TNIK: variants seen among roughly 807,000 people sequenced by gnomAD.
TNIK encodes the protein TRAF2 and NCK-interacting protein kinase.
A neutral mutation model predicts 191.3 loss-of-function variants in TNIK; 49 were observed. The observed-to-expected ratio is 0.26, with a 90% CI of 0.20 to 0.32. The LOEUF is 0.32. TNIK is among the 10% of genes least tolerant of loss of function. TNIK has a pLI of 1.00. For synonymous variants in TNIK, 594 were observed against 600.9 expected, an observed-to-expected ratio of 0.99 and a Z score of 0.17; for missense variants, 1,155 against 1,702.3, an observed-to-expected ratio of 0.68 and a Z score of 5.66.
At chr3:171,152,576 AG>A (rs1287161721) in intron 12 of TNIK, among the ~76,000 whole-genome samples, 2 of 152,028 alleles carry the variant, frequency 1.3e-5, no homozygotes, top group African/African-American at 4.8e-5. Context: ...CAGGAAGTGG[AG>A]GTGTGGAGAG....
At position 171,105,422 on chromosome 3, in the gene TNIK, A is replaced by G. The variant is rs369144436; in HGVS notation, c.2406+1761T>C. 7.7e-4 allele frequency among the ~76,000 whole-genome samples: 118 copies of G among 152,288 alleles called. 6 individuals are homozygous for G. In the South Asian group the frequency reaches 0.024, roughly 31 times the overall value. On this transcript the variant is annotated intron_variant, in intron 21 of 32. Coordinates refer to ENST00000436636, the MANE Select transcript of TNIK (RefSeq NM_015028.4). Reference sequence around the variant, plus strand: ...ACCAAAACTGTCTCCAGATTTTGCCAAATGTCTCCTAAGGGAAGAGGAGTG... The same window carrying G: ...ACCAAAACTGTCTCCAGATTTTGCCGAATGTCTCCTAAGGGAAGAGGAGTG...
chr3:171,283,589 C>G (rs191188153), intron 2 of TNIK, among the ~76,000 whole-genome samples: 16 of 152,302 alleles, frequency 1.1e-4, no homozygotes, highest in East Asian at 3.9e-4. Context: ...GCTCCTGCCC[C>G]CTGTGAACCA....
intron 4 of TNIK, among the ~76,000 whole-genome samples, chr3:171,202,685 C>G (rs1189531688): frequency 6.6e-6 from 1 of 152,180 alleles, no homozygotes; most frequent in African/African-American, 2.4e-5. Context: ...TAAAATAGCT[C>G]TATTAAAGCT....
At chr3:171,349,783 G>A (rs143638019) in intron 2 of TNIK, among the ~76,000 whole-genome samples, 6 of 152,122 alleles carry the variant, frequency 3.9e-5, no homozygotes, top group Non-Finnish European at 8.8e-5. Context: ...CCATTCTTGC[G>A]TATTCTAGTT....
chr3:171,253,502 C>A (rs2088885), intron 2 of TNIK, among the ~76,000 whole-genome samples: 83,259 of 150,380 alleles, frequency 0.55, 23,716 homozygotes, highest in African/African-American at 0.67. Flanking sequence ...CCCAACCCTC[C>A]CTTTAAGCTT....
intron 2 of TNIK, among the ~76,000 whole-genome samples, chr3:171,260,084 C>G (rs1386835116): frequency 6.6e-6 from 1 of 152,126 alleles, no homozygotes; most frequent in Non-Finnish European, 1.5e-5. Context: ...TCCCTGTTAT[C>G]TGATTATGTT....
chr3:171,443,994 T>C (rs1190167557), intron 1 of TNIK, among the ~76,000 whole-genome samples: 1 of 152,184 alleles, frequency 6.6e-6, no homozygotes, highest in Non-Finnish European at 1.5e-5. Flanking sequence ...TGTCTAACCA[T>C]CGGTTTTTCC....
At chr3:171,429,963 C>A (rs1449326404) in intron 1 of TNIK, among the ~76,000 whole-genome samples, 1 of 152,140 alleles carries the variant, frequency 6.6e-6, no homozygotes, top group Non-Finnish European at 1.5e-5. Flanking sequence ...GCAGCAGCAG[C>A]ATCATTTTGT....
chr3:171,350,315 A>G (rs1442720796), intron 2 of TNIK, among the ~76,000 whole-genome samples: 2 of 152,154 alleles, frequency 1.3e-5, no homozygotes, highest in Non-Finnish European at 2.9e-5. Context: ...GCCAATCCGT[A>G]TTTGTTGAAT....
chr3:171,420,807 C>A (rs6793807), intron 1 of TNIK, among the ~76,000 whole-genome samples: 1 of 152,066 alleles, frequency 6.6e-6, no homozygotes, highest in Non-Finnish European at 1.5e-5. Flanking sequence ...GTCTGACAAC[C>A]AAGAGAGCTA....
chr3:171,357,253 T>TA (rs1714224127), intron 2 of TNIK, among the ~76,000 whole-genome samples: 1 of 152,102 alleles, frequency 6.6e-6, no homozygotes, highest in Non-Finnish European at 1.5e-5. Context: ...AACCTAAACA[T>TA]ATCTCACTGA....
intron 2 of TNIK, among the ~76,000 whole-genome samples, chr3:171,311,513 C>T (rs1754013898): frequency 6.6e-6 from 1 of 152,118 alleles, no homozygotes; most frequent in Non-Finnish European, 1.5e-5. Context: ...AAGTAACTTG[C>T]TTAAGATGAC....
chr3:171,126,089 G>T lies in TNIK; in HGVS notation c.1836C>A (p.His612Gln). The T allele has an allele frequency of 1.2e-6, 2 of 1,605,164 alleles. No individual in the cohort carries two copies. The highest frequency in any genetic ancestry group is 1.7e-6 in the Non-Finnish European group (2 of 1,175,134). ...CAGAGAGGCCCTTTGTGGGCTGCTC[G>T]TGCACTGACTGGGAGGCGGTCAAGG... ...GPALTASQSVHEQPTKGLSGF... is the reference protein window; with the variant it reads ...GPALTASQSVQEQPTKGLSGF... The change falls in exon 17 of 33, where the codon CAC (histidine) becomes CAA (glutamine). Residue 612 changes from histidine (H) to glutamine (Q), a missense_variant. By Grantham distance (24) the His-to-Gln change is conservative (BLOSUM62 0). This residue lies in a region of TNIK where 735 missense variants were observed against 848.0 expected (regional missense o/e 0.87). Coordinates refer to ENST00000436636, the MANE Select transcript of TNIK (RefSeq NM_015028.4).
At position 171,157,483 on chromosome 3, in the gene TNIK, C is replaced by G. The variant is rs1418583788; in HGVS notation, c.1198G>C (p.Glu400Gln). 1 of 1,571,630 alleles carries G rather than the reference C, an allele frequency of 6.4e-7. No individual in the cohort carries two copies. Among genetic ancestry groups the G allele is most frequent in the Non-Finnish European group, 8.6e-7 (1 of 1,158,958 alleles). ...ERQKRIEEQK[E>Q]QRRRLEEQQR... ...ACCTCCTCCAGCCGCCGCCTCTGCT[C>G]TTTCTGCTCCTCGATGCGCTTCTGA... is the stretch of plus-strand genomic sequence containing the variant. The change falls in exon 12 of 33, where the codon GAG becomes CAG. Residue 400 changes from glutamate to glutamine, a missense_variant. This residue lies in a region of TNIK where 735 missense variants were observed against 848.0 expected (regional missense o/e 0.87). Coordinates refer to ENST00000436636, the MANE Select transcript of TNIK (RefSeq NM_015028.4).
At chr3:171,107,910 T>C (rs1725183124) in intron 20 of TNIK, 155 bp downstream of exon 20, 2 of 660,414 alleles carry the variant, frequency 3.0e-6, no homozygotes, top group Non-Finnish European at 4.8e-6. Context: ...GGTTCTTTCC[T>C]AATCAGGTAT....
intron 1 of TNIK, among the ~76,000 whole-genome samples, chr3:171,397,255 A>T (rs1232451240): frequency 2.6e-5 from 4 of 152,218 alleles, no homozygotes; most frequent in Non-Finnish European, 4.4e-5. Flanking sequence ...TGTTTTCTAC[A>T]GTCTGCTACA....
intron 17 of TNIK, among the ~76,000 whole-genome samples, chr3:171,125,133 C>T (rs1728298563): frequency 6.6e-6 from 1 of 152,136 alleles, no homozygotes; most frequent in South Asian, 2.1e-4. Flanking sequence ...TGGAACATTC[C>T]ATTTGTCACA....
At chr3:171,143,054 C>A (rs889544785) in intron 12 of TNIK, among the ~76,000 whole-genome samples, 3 of 152,184 alleles carry the variant, frequency 2.0e-5, no homozygotes, top group Admixed American at 6.5e-5. Flanking sequence ...AGCGTCTGGG[C>A]TTCCCAAGTA....
At position 171,410,501 on chromosome 3, in the gene TNIK, T is replaced by TG. The variant is rs538982523; in HGVS notation, c.58-40817dup. Among the ~76,000 whole-genome samples the TG allele has an allele frequency of 4.4e-3, 670 of 152,170 alleles. 3 individuals carry two copies. The highest frequency in any genetic ancestry group is 0.015 in the African/African-American group (637 of 41,514). On this transcript the variant is annotated intron_variant, in intron 1 of 32. Coordinates refer to ENST00000436636, the MANE Select transcript of TNIK (RefSeq NM_015028.4). ...AGTCTCTTTAAGACTTTGCCTGGGC[T>TG]GGGCGCATTGGCTCACGCCTGTAAT...
Sources: gnomAD v4.1 joint callset for allele counts (sites outside exome capture counted in the v4.1 genomes callset) on GRCh38, gnomAD v4.1.1 for gene constraint, gnomAD v4.1.1 regional missense constraint, MANE v1.5 for transcripts, NCBI Gene and HGNC (gene_info 2026-07-23, HGNC 2026-07-21) for gene names.